The following NSUN6 variants were observed in gnomAD, a reference collection of about 807,000 sequenced individuals.
The protein encoded by NSUN6 is NOP2/Sun RNA methyltransferase 6.
NSUN6 carries 64 observed loss-of-function variants against 58.0 expected under a neutral mutation model. That is an observed-to-expected ratio of 1.10 (90% confidence interval 0.90 to 1.36). NSUN6 has a LOEUF of 1.36. NSUN6 is among the 40% of genes most tolerant of loss of function. The probability of loss-of-function intolerance (pLI) is 0.00; values close to 1 mark genes in which losing one functional copy is unlikely to be tolerated. For synonymous variants in NSUN6, 231 were observed against 193.9 expected (o/e 1.19, Z -1.59); for missense variants, 701 against 550.1 (o/e 1.27, Z -2.74).
At chr10:18,583,471 G>T (rs367795642) in intron 8 of NSUN6, among the ~76,000 whole-genome samples, 16 of 152,038 alleles carry the variant, frequency 1.1e-4, no homozygotes. Context: ...TATGAGATAT[G>T]CAAAGAAAAA....
chr10:18,607,681 C>G (rs1265725472), intron 6 of NSUN6, among the ~76,000 whole-genome samples: 1 of 152,204 alleles, frequency 6.6e-6, no homozygotes, highest in African/African-American at 2.4e-5. Flanking sequence ...TCAAAAGGCC[C>G]TGCTGGTGAC....
chr10:18,558,059 G>GAATGGAATAGAGAATGGAATGGAATGCAC (rs2055180417), intron 8 of NSUN6, among the ~76,000 whole-genome samples: 1 of 150,856 alleles, frequency 6.6e-6, no homozygotes, highest in African/African-American at 2.4e-5. Context: ...ATGGAATGCA[G>GAATGGAATAGAGAATGGAATGGAATGCAC]AATGGAATAG....
intron 8 of NSUN6, among the ~76,000 whole-genome samples, chr10:18,572,831 CTCCAT>C (rs765984126): frequency 4.6e-5 from 7 of 150,682 alleles, no homozygotes; most frequent in Non-Finnish European, 8.9e-5. Context: ...CCATTCCATT[CTCCAT>C]TCCATTCCAT....
At chr10:18,629,437 C>G (rs1212137861) in intron 3 of NSUN6, among the ~76,000 whole-genome samples, 5 of 151,004 alleles carry the variant, frequency 3.3e-5, no homozygotes, top group Admixed American at 1.3e-4. Flanking sequence ...ACTAAATGCT[C>G]CAATTAAAAG....
chr10:18,624,212 G>A (rs1346722650), intron 3 of NSUN6, among the ~76,000 whole-genome samples: 2 of 151,828 alleles, frequency 1.3e-5, no homozygotes, highest in African/African-American at 4.8e-5. Context: ...TAAAACTTCT[G>A]AATAAGGATT....
intron 3 of NSUN6, among the ~76,000 whole-genome samples, chr10:18,621,030 C>A (rs2058587217): frequency 6.6e-6 from 1 of 152,254 alleles, no homozygotes; most frequent in Non-Finnish European, 1.5e-5. Context: ...TGGCCCTTGA[C>A]TGACATCTGG....
intron 1 of NSUN6, among the ~76,000 whole-genome samples, chr10:18,648,877 G>C (rs756210378): frequency 6.6e-6 from 1 of 152,146 alleles, no homozygotes; most frequent in Non-Finnish European, 1.5e-5. Flanking sequence ...AAAGGGCTTA[G>C]AAAAACATTG....
chr10:18,592,218 A>T (rs1203787457), intron 7 of NSUN6, among the ~76,000 whole-genome samples: 1 of 152,222 alleles, frequency 6.6e-6, no homozygotes, highest in Admixed American at 6.5e-5. Context: ...GGGAAATAAG[A>T]GAGGACACAA....
Position 18,642,473 on chromosome 10 carries a change from A to C in NSUN6, c.311+3T>G. ...ATAATTTGGAAATGAAGTTCTTACA[A>C]ACCTGGGTCCAATAACAGGAATAAG... is the stretch of plus-strand genomic sequence containing the variant. On this transcript the variant is annotated splice_donor_region_variant and intron_variant, in intron 3 of 10. Transcript: ENST00000377304. The C allele has an allele frequency of 6.9e-7, 1 of 1,438,954 alleles. No homozygotes were observed. The highest frequency in any genetic ancestry group is 9.8e-7 in the Non-Finnish European group (1 of 1,023,440). 89.1% of individuals were successfully genotyped at this position (1,438,954 alleles called of 1,614,324 possible).
Position 18,618,526 on chromosome 10 carries a change from T to C in NSUN6, c.312-2233A>G, listed in dbSNP as rs186312610. 2.3e-3 allele frequency among the ~76,000 whole-genome samples: 347 copies of C among 151,902 alleles called. 3 individuals carry two copies. The highest frequency in any genetic ancestry group is 8.1e-3 in the African/African-American group (334 of 41,422). On this transcript the variant is annotated intron_variant, in intron 3 of 10. Coordinates refer to ENST00000377304, the MANE Select transcript of NSUN6 (RefSeq NM_182543.5). ...AAGAAATCCCCGTCTCTACTAAAAA[T>C]ACAAAATTACCCAGGCATGGTGGCG... is the stretch of plus-strand genomic sequence containing the variant.
upstream of NSUN6, chr10:18,652,406 GTTTT>G (rs775153901): frequency 1.0e-6 from 1 of 984,258 alleles, no homozygotes; most frequent in Non-Finnish European, 1.2e-6. Flanking sequence ...GTTTTTTATT[GTTTT>G]TTTCTCTTTA....
intron 5 of NSUN6, among the ~76,000 whole-genome samples, chr10:18,610,827 G>C (rs1360754702): frequency 6.6e-6 from 1 of 152,190 alleles, no homozygotes; most frequent in Non-Finnish European, 1.5e-5. Flanking sequence ...GCAAGCGAAA[G>C]GAGAAACATG....
At chr10:18,592,141 T>C (rs1437041067) in intron 7 of NSUN6, among the ~76,000 whole-genome samples, 2 of 151,868 alleles carry the variant, frequency 1.3e-5, no homozygotes, top group East Asian at 3.9e-4. Context: ...GAGAATAAAA[T>C]ACCTAGAAAT....
chr10:18,610,749 G>C (rs569877769), intron 5 of NSUN6, among the ~76,000 whole-genome samples: 1 of 152,182 alleles, frequency 6.6e-6, no homozygotes, highest in African/African-American at 2.4e-5. Flanking sequence ...CTGAAGCAGA[G>C]AAAGAACACG....
chr10:18,580,041 T>C (rs1293681298), intron 8 of NSUN6, among the ~76,000 whole-genome samples: 1 of 152,154 alleles, frequency 6.6e-6, no homozygotes, highest in Non-Finnish European at 1.5e-5. Context: ...GAAACTGTAT[T>C]ACTTTGAGGT....
intron 9 of NSUN6, among the ~76,000 whole-genome samples, chr10:18,548,718 C>T (rs2054434191): frequency 6.6e-6 from 1 of 152,136 alleles, no homozygotes; most frequent in African/African-American, 2.4e-5. Context: ...GGATTGCAGG[C>T]GTGAGCCATG....
chr10:18,599,111 C>T (rs1180317688), intron 6 of NSUN6, among the ~76,000 whole-genome samples: 1 of 152,204 alleles, frequency 6.6e-6, no homozygotes, highest in Non-Finnish European at 1.5e-5. Context: ...AATCAAAGCT[C>T]ACTGCCACCT....
chr10:18,651,860 G>A (rs1052766312), upstream of NSUN6: 1 of 985,430 alleles, frequency 1.0e-6, no homozygotes, highest in African/African-American at 1.7e-5. Flanking sequence ...CAGGGGCAAT[G>A]GGGAAACAGC....
chr10:18,639,255 G>A (rs1468636141), intron 3 of NSUN6, among the ~76,000 whole-genome samples: 1 of 152,218 alleles, frequency 6.6e-6, no homozygotes, highest in Non-Finnish European at 1.5e-5. Context: ...AGCACTTTGG[G>A]AGGGTGAGGC....
Sources: gnomAD v4.1 joint callset for allele counts (sites outside exome capture counted in the v4.1 genomes callset) on GRCh38, gnomAD v4.1.1 for gene constraint, MANE v1.5 for transcripts, NCBI Gene and HGNC (gene_info 2026-07-23, HGNC 2026-07-21) for gene names.